The following GABRB1 variants were observed in gnomAD, a reference collection of about 807,000 sequenced individuals.
GABRB1 encodes the protein gamma-aminobutyric acid type A receptor subunit beta1.
A neutral mutation model predicts 51.6 loss-of-function variants in GABRB1; 17 were observed. That is an observed-to-expected ratio of 0.33 (90% CI 0.23 to 0.49). GABRB1 has a LOEUF of 0.49. GABRB1 is among the 20% of genes least tolerant of loss of function. The probability of loss-of-function intolerance (pLI) is 0.99; values close to 1 mark genes in which losing one functional copy is unlikely to be tolerated. For missense variants in GABRB1, 410 were observed against 600.6 expected (o/e 0.68, Z 3.32); for synonymous variants, 247 against 218.9 (o/e 1.13, Z -1.14).
At chr4:47,401,392 G>T (rs1167503702) in intron 5 of GABRB1, among the ~76,000 whole-genome samples, 3 of 152,146 alleles carry the variant, frequency 2.0e-5, no homozygotes, top group Non-Finnish European at 4.4e-5. Flanking sequence ...GGACTGAGAT[G>T]ACAGAAGTTC....
At chr4:47,118,357 A>C (rs923617589) in intron 3 of GABRB1, among the ~76,000 whole-genome samples, 1 of 152,142 alleles carries the variant, frequency 6.6e-6, no homozygotes, top group Non-Finnish European at 1.5e-5. Context: ...CTCTGACTAG[A>C]ATGATTCTAT....
intron 3 of GABRB1, among the ~76,000 whole-genome samples, chr4:47,068,291 A>T (rs1457786044): frequency 1.9e-4 from 29 of 152,254 alleles, no homozygotes; most frequent in Non-Finnish European, 1.3e-4. Flanking sequence ...TAATAAAGCT[A>T]TTTCACTTTC....
At chr4:47,359,917 T>C (rs1560350798) in intron 5 of GABRB1, among the ~76,000 whole-genome samples, 1 of 152,072 alleles carries the variant, frequency 6.6e-6, no homozygotes, top group Non-Finnish European at 1.5e-5. Context: ...TGATTTCTTT[T>C]TTAAGCAAAA....
intron 3 of GABRB1, among the ~76,000 whole-genome samples, chr4:47,126,417 C>G (rs555942730): frequency 2.0e-5 from 3 of 152,180 alleles, no homozygotes; most frequent in African/African-American, 7.2e-5. Flanking sequence ...TATAAGTATT[C>G]TCACCACATG....
intron 3 of GABRB1, among the ~76,000 whole-genome samples, chr4:47,154,534 T>C (rs1717606951): frequency 6.6e-6 from 1 of 152,034 alleles, no homozygotes; most frequent in African/African-American, 2.4e-5. Flanking sequence ...GTGGGCTAGA[T>C]GATTGTTTGA....
intron 3 of GABRB1, among the ~76,000 whole-genome samples, chr4:47,082,324 T>G (rs1727885605): frequency 6.6e-6 from 1 of 152,034 alleles, no homozygotes; most frequent in African/African-American, 2.4e-5. Flanking sequence ...ATAAAAAAGA[T>G]GCCATTAAAT....
chr4:47,239,752 G>A (rs573702043), intron 4 of GABRB1, among the ~76,000 whole-genome samples: 1 of 152,288 alleles, frequency 6.6e-6, no homozygotes, highest in African/African-American at 2.4e-5. Context: ...GAGCAATACT[G>A]TAGCTGTTTT....
intron 4 of GABRB1, among the ~76,000 whole-genome samples, chr4:47,168,018 G>A (rs1718270050): frequency 6.6e-6 from 1 of 152,152 alleles, no homozygotes; most frequent in Non-Finnish European, 1.5e-5. Flanking sequence ...CTCTGTACTT[G>A]TGTTGTTGAG....
chr4:47,279,538 C>T (rs549289656), intron 4 of GABRB1, among the ~76,000 whole-genome samples: 1 of 152,222 alleles, frequency 6.6e-6, no homozygotes, highest in South Asian at 2.1e-4. Context: ...ATCCACCTTC[C>T]ATCCCCATTT....
At chr4:47,294,833 A>T (rs1029221206) in intron 4 of GABRB1, among the ~76,000 whole-genome samples, 16 of 152,180 alleles carry the variant, frequency 1.1e-4, no homozygotes, top group Non-Finnish European at 1.2e-4. Context: ...CTGACCCCCG[A>T]GCAGCCTAAC....
At chr4:47,172,859 CTTGAGCTCCTGACCTCAG>C (rs1718501881) in intron 4 of GABRB1, among the ~76,000 whole-genome samples, 1 of 151,944 alleles carries the variant, frequency 6.6e-6, no homozygotes, top group South Asian at 2.1e-4. Flanking sequence ...CCAGGCTGGC[CTTGAGCTCCTGACCTCAG>C]ATGATCCACC....
chr4:47,039,011 T>C (rs1420107725), intron 3 of GABRB1, among the ~76,000 whole-genome samples: 1 of 152,150 alleles, frequency 6.6e-6, no homozygotes, highest in Non-Finnish European at 1.5e-5. Flanking sequence ...TTGACTTCTA[T>C]CTATTGAAAG....
intron 3 of GABRB1, among the ~76,000 whole-genome samples, chr4:47,121,863 G>T (rs186431367): frequency 2.7e-4 from 41 of 152,164 alleles, no homozygotes; most frequent in Admixed American, 2.4e-3. Flanking sequence ...GTTTTATCAA[G>T]CAATCCCATT....
At chr4:47,388,498 T>C (rs1465073222) in intron 5 of GABRB1, among the ~76,000 whole-genome samples, 1 of 152,152 alleles carries the variant, frequency 6.6e-6, no homozygotes, top group Admixed American at 6.5e-5. Flanking sequence ...TTCCAGAGGA[T>C]GCTAAAGAAA....
intron 1 of GABRB1, among the ~76,000 whole-genome samples, chr4:47,010,304 A>T (rs1724547705): frequency 6.6e-6 from 1 of 152,226 alleles, no homozygotes; most frequent in Admixed American, 6.5e-5. Context: ...AGTAAAGCTA[A>T]CCAGACCCAT....
Position 47,320,107 on chromosome 4 carries a change from T to C in GABRB1, c.462-20T>C, listed in dbSNP as rs370511844. 159 of 1,499,060 alleles carry C rather than the reference T, an allele frequency of 1.1e-4. No individual in the cohort carries two copies. The African/African-American group carries it at 1.9e-3, about 18-fold the overall frequency. The allele number at this position is 1,499,060 out of a possible 1,614,324, so 92.9% of individuals were successfully genotyped here. On this transcript the variant is annotated intron_variant, in intron 4 of 8. Transcript: ENST00000295454. The stretch of plus-strand genomic sequence containing the variant: ...CATCACTTTTGTAATGTTTTCTTTT[T>C]TCTCTCTCCTCTCTATCAGAATCAC...
intron 5 of GABRB1, among the ~76,000 whole-genome samples, chr4:47,329,265 T>C (rs1281330332): frequency 6.6e-6 from 1 of 152,006 alleles, no homozygotes; most frequent in Non-Finnish European, 1.5e-5. Context: ...CGTGCTATCA[T>C]ATAGCAGATG....
intron 5 of GABRB1, among the ~76,000 whole-genome samples, chr4:47,376,081 T>G (rs1727364946): frequency 6.6e-6 from 1 of 152,154 alleles, no homozygotes; most frequent in East Asian, 1.9e-4. Context: ...AACTTAGGAA[T>G]CATCCTCAGT....
At chr4:47,070,342 T>C (rs990476211) in intron 3 of GABRB1, among the ~76,000 whole-genome samples, 2 of 151,706 alleles carry the variant, frequency 1.3e-5, no homozygotes, top group Non-Finnish European at 2.9e-5. Context: ...AGCCTTCTTT[T>C]TTTTTGAGAC....
Sources: gnomAD v4.1 joint callset for allele counts (sites outside exome capture counted in the v4.1 genomes callset) on GRCh38, gnomAD v4.1.1 for gene constraint, MANE v1.5 for transcripts, NCBI Gene and HGNC (gene_info 2026-07-23, HGNC 2026-07-21) for gene names.